The following EFEMP1 variants were observed in gnomAD, a reference collection of about 807,000 sequenced individuals.
EFEMP1 encodes EGF-containing fibulin-like extracellular matrix protein 1.
In EFEMP1, 18 loss-of-function variants were observed where a neutral mutation model predicts 65.7. That is an observed-to-expected ratio of 0.27 (90% CI 0.19 to 0.41). EFEMP1 has a LOEUF of 0.41. Among genes scored for constraint, EFEMP1 ranks in the 10% least tolerant of loss-of-function variants. The pLI, the probability that EFEMP1 is intolerant of heterozygous loss-of-function variation, is 1.00. For synonymous variants in EFEMP1, 237 were observed against 219.7 expected (o/e 1.08, Z -0.70); for missense variants, 469 against 624.8 (o/e 0.75, Z 2.66).
At chr2:55,892,533 A>ATAGGATTAAATGGCTCTGT (rs3838528) in intron 5 of EFEMP1, among the ~76,000 whole-genome samples, 15,814 of 151,784 alleles carry the variant, frequency 0.1, 1,932 homozygotes, top group African/African-American at 0.29. Flanking sequence ...ATCTTTCTGG[A>ATAGGATTAAATGGCTCTGT]TAGGATTAAA....
In EFEMP1 at chr2:55,922,960, C is replaced by T; in HGVS notation, c.-48-21G>A. On this transcript the variant is annotated intron_variant, in intron 1 of 11. Transcript: ENST00000355426. This position sits in a 1 kb window ranked among gnomAD's most constrained non-coding sequence, Gnocchi z 5.5. Reference sequence around the variant, plus strand: ...AATACCTGTGAGCCAATATGAATTGCCTTGGCCTCAAGCTTTTTATTTTTT... The same window carrying T: ...AATACCTGTGAGCCAATATGAATTGTCTTGGCCTCAAGCTTTTTATTTTTT... 1 of 1,010,264 alleles carries T rather than the reference C, an allele frequency of 9.9e-7. No homozygotes were observed. The highest frequency in any genetic ancestry group is 1.7e-5 in the African/African-American group (1 of 57,982). The allele number at this position is 1,010,264 out of a possible 1,614,324, so 62.6% of individuals were successfully genotyped here. A position where few individuals can be genotyped will look rare whatever the true frequency, so the allele number is the denominator to read the frequency against.
chr2:55,891,700 C>T (rs1379281640), intron 5 of EFEMP1, among the ~76,000 whole-genome samples: 1 of 152,048 alleles, frequency 6.6e-6, no homozygotes, highest in Non-Finnish European at 1.5e-5. Context: ...CTTCCTTGAG[C>T]AGGAAAACAG....
chr2:55,920,799 C>T lies in EFEMP1; in HGVS notation c.81+1561G>A, dbSNP rs146782437. On this transcript the variant is annotated intron_variant, in intron 3 of 11. Coordinates refer to ENST00000355426, the MANE Select transcript of EFEMP1 (RefSeq NM_001039348.3). ...TGATGCCACTTACCTTACACATTGCCGCAAGGATCAAAGGAGATCGTGTCT... is the reference window on the plus strand; with the variant it reads ...TGATGCCACTTACCTTACACATTGCTGCAAGGATCAAAGGAGATCGTGTCT... 2.8e-4 allele frequency among the ~76,000 whole-genome samples: 42 copies of T among 152,234 alleles called. No individual in the cohort carries two copies. In the East Asian group the frequency reaches 5.0e-3, roughly 18 times the overall value.
intron 5 of EFEMP1, among the ~76,000 whole-genome samples, chr2:55,884,124 A>G (rs1340833181): frequency 6.6e-6 from 1 of 152,198 alleles, no homozygotes; most frequent in Non-Finnish European, 1.5e-5. Flanking sequence ...GCTGTGGTTT[A>G]GAATATTTAT....
At chr2:55,902,732 C>A (rs942338609) in intron 5 of EFEMP1, among the ~76,000 whole-genome samples, 1 of 152,136 alleles carries the variant, frequency 6.6e-6, no homozygotes, top group Non-Finnish European at 1.5e-5. Flanking sequence ...TTTTTTGCTT[C>A]TGAGTCATTA....
chr2:55,915,553 T>C (rs1186747335), intron 5 of EFEMP1, among the ~76,000 whole-genome samples: 1 of 152,206 alleles, frequency 6.6e-6, no homozygotes, highest in Non-Finnish European at 1.5e-5. Context: ...TTCTGGGCAT[T>C]GTTCTTGAAT....
At position 55,883,057 on chromosome 2, in the gene EFEMP1, T is replaced by A. The variant is rs1669305621; in HGVS notation, c.518-1323A>T. ...TGAAGTTGAGATTGTAAAAGGGTTG[T>A]CCTCAGAAATCAGCTTCACTTAGCT... On this transcript the variant is annotated intron_variant, in intron 5 of 11. Transcript: ENST00000355426. The surrounding 1 kb of genome is among the most constrained non-coding windows in gnomAD (Gnocchi z 4.5). Among the ~76,000 whole-genome samples, 1 of 152,128 alleles carries A rather than the reference T, an allele frequency of 6.6e-6. No homozygotes were observed. Among genetic ancestry groups the A allele is most frequent in the African/African-American group, 2.4e-5 (1 of 41,438 alleles).
chr2:55,887,884 T>C (rs570165642), intron 5 of EFEMP1, among the ~76,000 whole-genome samples: 16 of 152,324 alleles, frequency 1.1e-4, no homozygotes, highest in African/African-American at 3.8e-4. Context: ...TATGCTGTTC[T>C]CATAGGAAAA....
chr2:55,921,005 G>A lies in EFEMP1; in HGVS notation c.81+1355C>T, dbSNP rs887974778. On this transcript the variant is annotated intron_variant, in intron 3 of 11. Coordinates refer to ENST00000355426, the MANE Select transcript of EFEMP1 (RefSeq NM_001039348.3). The surrounding 1 kb of genome is among the most constrained non-coding windows in gnomAD (Gnocchi z 4.1). ...TTAAAACTATCATGTTTAAGCCACA[G>A]GGAACCTTCTCTGGTAAAAATGAGG... 1.3e-5 allele frequency among the ~76,000 whole-genome samples: 2 copies of A among 152,156 alleles called. No homozygotes were observed. The highest frequency in any genetic ancestry group is 4.8e-5 in the African/African-American group (2 of 41,442).
intron 5 of EFEMP1, among the ~76,000 whole-genome samples, chr2:55,909,755 T>A (rs188676161): frequency 1.3e-5 from 2 of 152,346 alleles, no homozygotes; most frequent in Non-Finnish European, 2.9e-5. Context: ...GTTTTACATC[T>A]ACTTTTGGCA....
At chr2:55,909,848 A>G (rs1461248689) in intron 5 of EFEMP1, among the ~76,000 whole-genome samples, 1 of 152,124 alleles carries the variant, frequency 6.6e-6, no homozygotes. Flanking sequence ...AACTCATGGG[A>G]CAATTATTAC....
intron 5 of EFEMP1, among the ~76,000 whole-genome samples, chr2:55,887,251 T>A (rs374736105): frequency 2.6e-4 from 40 of 152,292 alleles, no homozygotes; most frequent in African/African-American, 9.6e-4. Context: ...TTCTGCAATT[T>A]AGGTCCTGAG....
chr2:55,879,104 T>A (rs1007886281), intron 6 of EFEMP1, among the ~76,000 whole-genome samples: 1 of 152,150 alleles, frequency 6.6e-6, no homozygotes. Context: ...TTCTTTGTAG[T>A]CCTTAACAGT....
intron 5 of EFEMP1, among the ~76,000 whole-genome samples, chr2:55,900,808 G>C (rs946147202): frequency 6.6e-6 from 1 of 152,006 alleles, no homozygotes; most frequent in South Asian, 2.1e-4. Context: ...TACCTTTATC[G>C]ATTTTTAGTC....
intron 5 of EFEMP1, among the ~76,000 whole-genome samples, chr2:55,913,177 G>C (rs1670546907): frequency 6.6e-6 from 1 of 152,090 alleles, no homozygotes; most frequent in African/African-American, 2.4e-5. Flanking sequence ...AGGTGCAGGC[G>C]ATTTGGCTGT....
In EFEMP1 at chr2:55,923,633, C is replaced by G. The variant is rs934618736; in HGVS notation, c.-49+78G>C. 1.8e-5 allele frequency: 18 copies of G among 985,706 alleles called. No individual in the cohort carries two copies. Among genetic ancestry groups the G allele is most frequent in the Non-Finnish European group, 1.6e-5 (13 of 830,196 alleles). The allele number at this position is 985,706 out of a possible 1,614,324, so 61.1% of individuals were successfully genotyped here. On this transcript the variant is annotated intron_variant, in intron 1 of 11. Transcript: ENST00000355426. This position sits in a 1 kb window ranked among gnomAD's most constrained non-coding sequence, Gnocchi z 5.3. ...CTCGGGTACTCAACACCCCTCAGCT[C>G]ACCCCACCTCACTCTCCCGCGCGCG... is the stretch of plus-strand genomic sequence containing the variant.
At chr2:55,881,558 G>C (rs1669240855) in intron 6 of EFEMP1, 54 bp downstream of exon 6, 3 of 1,610,152 alleles carry the variant, frequency 1.9e-6, no homozygotes, top group Non-Finnish European at 1.7e-6. Context: ...GCTTGAGGTT[G>C]AAACAGTTAA....
chr2:55,905,188 C>T (rs766348113), intron 5 of EFEMP1, among the ~76,000 whole-genome samples: 47 of 152,136 alleles, frequency 3.1e-4, no homozygotes, highest in Admixed American at 1.6e-3. Context: ...TTAGTTTTAT[C>T]CACTTCTCAG....
chr2:55,897,088 T>C (rs1308657890), intron 5 of EFEMP1, among the ~76,000 whole-genome samples: 1 of 152,214 alleles, frequency 6.6e-6, no homozygotes, highest in Non-Finnish European at 1.5e-5. Context: ...TGTCACCTTC[T>C]CTAGGAAGTC....
Sources: gnomAD v4.1 joint callset for allele counts (sites outside exome capture counted in the v4.1 genomes callset) on GRCh38, gnomAD v4.1.1 for gene constraint, Gnocchi (gnomAD v3.1) non-coding constraint, MANE v1.5 for transcripts, NCBI Gene and HGNC (gene_info 2026-07-23, HGNC 2026-07-21) for gene names.